CUL1: variants seen among roughly 807,000 people sequenced by gnomAD.
CUL1 encodes the protein cullin-1.
CUL1 carries 24 observed loss-of-function variants against 118.0 expected under a neutral mutation model. That is an observed-to-expected ratio of 0.20 (90% CI 0.15 to 0.29). The LOEUF is 0.29. Among genes scored for constraint, CUL1 ranks in the 10% least tolerant of loss-of-function variants. CUL1 has a pLI of 1.00. For missense variants in CUL1, 361 were observed against 933.8 expected (o/e 0.39, Z 7.99); for synonymous variants, 332 against 340.4 (o/e 0.98, Z 0.27).
intron 20 of CUL1, among the ~76,000 whole-genome samples, chr7:148,799,061 C>T (rs1316647925): frequency 6.6e-6 from 1 of 151,966 alleles, no homozygotes; most frequent in East Asian, 1.9e-4. Flanking sequence ...GCTCAAAAGA[C>T]CCAAACATTG....
chr7:148,703,905 C>T (rs1229792604), intron 1 of CUL1, among the ~76,000 whole-genome samples: 5 of 151,812 alleles, frequency 3.3e-5, no homozygotes, highest in African/African-American at 1.2e-4. Context: ...AATATTTTTT[C>T]AAGAAAAAAT....
rs183340751 is a variant in CUL1 at position 148,763,180 on chromosome 7, C to T, written c.789+2684C>T. Among the ~76,000 whole-genome samples, 658 of 152,034 alleles carry T rather than the reference C, an allele frequency of 4.3e-3. 7 individuals carry two copies. Among genetic ancestry groups the T allele is most frequent in the African/African-American group, 0.015 (611 of 41,486 alleles). On this transcript the variant is annotated intron_variant, in intron 7 of 21. Transcript: ENST00000325222. ...AAATAAAAATAAAAATAAAACCAGG[C>T]CTGACACCAAAGACGGTTGAGGAGC...
At chr7:148,714,739 A>C (rs925701957) in intron 1 of CUL1, among the ~76,000 whole-genome samples, 5 of 152,200 alleles carry the variant, frequency 3.3e-5, no homozygotes, top group African/African-American at 1.2e-4. Flanking sequence ...AGTGGAAAGC[A>C]TGAACACACC....
rs765043277 is a variant in CUL1, at chr7:148,760,412, A to G, written c.705A>G (p.Gln235=). 2 of 1,613,480 alleles carry G rather than the reference A, an allele frequency of 1.2e-6. No individual in the cohort carries two copies. Among genetic ancestry groups the G allele is most frequent in the African/African-American group, 1.3e-5 (1 of 74,912 alleles). The change falls in exon 7 of 22, where the codon CAA becomes CAG. Residue 235 remains glutamine, a synonymous_variant. Coordinates refer to ENST00000325222, the MANE Select transcript of CUL1 (RefSeq NM_003592.3). ...TGTATAAAGAATCCTTTGAATCTCA[A>G]TTTTTGGCTGACACAGAGAGATTTT... The part of the protein sequence containing the change: ...LTVYKESFES[Q]FLADTERFYT...
At position 148,732,341 on chromosome 7, in the gene CUL1, A is replaced by T. The variant is rs550722389; in HGVS notation, c.140+2079A>T. ...ATGTAATTAATATGCCTTGTAAGTC[A>T]TCCATTTTTTTTTTTTTTTTTTGAC... On this transcript the variant is annotated intron_variant, in intron 2 of 21. Coordinates refer to ENST00000325222, the MANE Select transcript of CUL1 (RefSeq NM_003592.3). 1.5e-4 allele frequency among the ~76,000 whole-genome samples: 22 copies of T among 147,762 alleles called. No homozygotes were observed. In the East Asian group the frequency reaches 4.1e-3, roughly 28 times the overall value.
intron 7 of CUL1, among the ~76,000 whole-genome samples, chr7:148,762,538 T>C (rs1799864803): frequency 6.6e-6 from 1 of 152,242 alleles, no homozygotes; most frequent in African/African-American, 2.4e-5. Context: ...AATGAACTTT[T>C]GAAACAGTCT....
chr7:148,725,550 T>C (rs932804304), intron 1 of CUL1, among the ~76,000 whole-genome samples: 1 of 152,162 alleles, frequency 6.6e-6, no homozygotes, highest in Non-Finnish European at 1.5e-5. Context: ...ATCTTTTCTC[T>C]GCCCCGTCTG....
chr7:148,724,438 T>C (rs1005600788), intron 1 of CUL1, among the ~76,000 whole-genome samples: 14 of 152,208 alleles, frequency 9.2e-5, no homozygotes, highest in African/African-American at 3.1e-4. Context: ...CTGTGGCGCG[T>C]GTGTGTGTCT....
At chr7:148,708,900 A>G (rs1377021196) in intron 1 of CUL1, among the ~76,000 whole-genome samples, 1 of 152,254 alleles carries the variant, frequency 6.6e-6, no homozygotes, top group Non-Finnish European at 1.5e-5. Context: ...TAAATGTTGG[A>G]ATTTTTCTAT....
chr7:148,717,977 T>G (rs1798271977), intron 1 of CUL1, among the ~76,000 whole-genome samples: 1 of 152,236 alleles, frequency 6.6e-6, no homozygotes, highest in South Asian at 2.1e-4. Flanking sequence ...CCTGTTTATA[T>G]ATTGTTGCAG....
intron 5 of CUL1, 78 bp from the exon 6 acceptor site, chr7:148,759,470 G>A (rs1799770264): frequency 1.6e-5 from 22 of 1,382,250 alleles, no homozygotes; most frequent in Non-Finnish European, 2.3e-5. Context: ...TTTAGTGGCT[G>A]TGAATGTTTA....
chr7:148,745,907 A>C (rs1799297986), intron 2 of CUL1, among the ~76,000 whole-genome samples: 1 of 152,206 alleles, frequency 6.6e-6, no homozygotes, highest in Non-Finnish European at 1.5e-5. Context: ...TGTCATAAGC[A>C]GGAAGTCTCC....
At chr7:148,783,215 A>G (rs1318176328) in intron 9 of CUL1, 1 of 378,008 alleles carries the variant, frequency 2.6e-6, no homozygotes, top group African/African-American at 2.2e-5. Flanking sequence ...TGTTCCGGGG[A>G]GGCCCCTTTG....
At chr7:148,788,405 T>G in intron 13 of CUL1, 152 bp from the exon 14 acceptor site, 1 of 588,202 alleles carries the variant, frequency 1.7e-6, no homozygotes. Context: ...CCATGCATAT[T>G]TGTACTGTAA....
chr7:148,741,395 C>T (rs371985583), intron 2 of CUL1, among the ~76,000 whole-genome samples: 37 of 152,350 alleles, frequency 2.4e-4, no homozygotes, highest in African/African-American at 8.7e-4. Context: ...AGTTTCTCCA[C>T]ATTCTGGCCA....
At chr7:148,721,415 A>G (rs568544001) in intron 1 of CUL1, among the ~76,000 whole-genome samples, 2 of 151,826 alleles carry the variant, frequency 1.3e-5, no homozygotes, top group South Asian at 2.1e-4. Context: ...TTAGCTTTTT[A>G]TTATGGAAAG....
chr7:148,752,049 G>A (rs1178572635), intron 2 of CUL1, among the ~76,000 whole-genome samples: 2 of 152,112 alleles, frequency 1.3e-5, no homozygotes, highest in Non-Finnish European at 2.9e-5. Flanking sequence ...AGGAGGTAGA[G>A]GTTGTGAGCT....
In CUL1 at chr7:148,789,637, G is replaced by A. The variant is rs991273034; in HGVS notation, c.1598-113G>A. The A allele has an allele frequency of 1.8e-5, 14 of 767,020 alleles. No homozygotes were observed. The East Asian group carries it at 2.8e-4, about 15-fold the overall frequency. The allele number at this position is 767,020 out of a possible 1,614,324, so 47.5% of individuals were successfully genotyped here. A position where few individuals can be genotyped will look rare whatever the true frequency, so the allele number is the denominator to read the frequency against. On this transcript the variant is annotated intron_variant, in intron 14 of 21. Transcript: ENST00000325222. The stretch of plus-strand genomic sequence containing the variant: ...TATTCAAGCAGGATTTTTATTTAAT[G>A]TGCTTTTTAATAAAGAGCAATCCAC...
chr7:148,789,641 T>A (rs1800940759), intron 14 of CUL1, 109 bp from the exon 15 acceptor site: 1 of 805,470 alleles, frequency 1.2e-6, no homozygotes, highest in East Asian at 2.5e-5. Flanking sequence ...TTTAATGTGC[T>A]TTTTAATAAA....
Sources: allele counts gnomAD v4.1 joint callset (sites outside exome capture counted in the v4.1 genomes callset), GRCh38; gene constraint gnomAD v4.1.1; transcripts MANE v1.5; gene names NCBI Gene and HGNC (gene_info 2026-07-23, HGNC 2026-07-21).